The following SLC6A14 variants were observed in gnomAD, a reference collection of about 807,000 sequenced individuals.
The protein encoded by SLC6A14 is solute carrier family 6 member 14.
SLC6A14 carries 21 observed loss-of-function variants against 51.4 expected under a neutral mutation model. That is an observed-to-expected ratio of 0.41 (90% CI 0.29 to 0.59). The LOEUF (loss-of-function observed/expected upper bound fraction) is 0.59, where lower values mean the gene tolerates loss of function less well. Among genes scored for constraint, SLC6A14 ranks in the 20% least tolerant of loss-of-function variants. The pLI, the probability that SLC6A14 is intolerant of heterozygous loss-of-function variation, is 0.31. For missense variants in SLC6A14, 371 were observed against 472.8 expected (o/e 0.78, Z 2.00); for synonymous variants, 177 against 160.7 (o/e 1.10, Z -0.77).
chrX:116,455,450 C>T lies in SLC6A14; in HGVS notation c.1598C>T (p.Thr533Met), dbSNP rs781806347. Residue 533 changes from threonine (T) to methionine (M), a missense_variant, in exon 12 of 14, where the codon ACG becomes ATG. By Grantham distance (81) the Thr-to-Met change is moderately conservative. Transcript: ENST00000598581. The stretch of plus-strand genomic sequence containing the variant: ...TGGAGAGCTTGCTGGTTTGTAATTA[C>T]GCCTATCCTTTTGATTGTAAGTAAT... ...LWWRACWFVITPILLIAIFIW... is the reference protein window; with the variant it reads ...LWWRACWFVIMPILLIAIFIW... The T allele has an allele frequency of 6.8e-6, 8 of 1,177,105 alleles. No individual in the cohort carries two copies. Among genetic ancestry groups the T allele is most frequent in the Admixed American group, 4.4e-5 (2 of 45,851 alleles).
In SLC6A14 at chrX:116,440,838, T is replaced by A. The variant is rs1292848427; in HGVS notation, c.215-128T>A. On this transcript the variant is annotated intron_variant, in intron 2 of 13. Transcript: ENST00000598581. ...ACTTATTCATAGAAAGCAGTGAACTTTAGGCCCAAACCCAGCGCTCTTTGA... is the reference window on the plus strand; with the variant it reads ...ACTTATTCATAGAAAGCAGTGAACTATAGGCCCAAACCCAGCGCTCTTTGA... 3 of 665,060 alleles carry A rather than the reference T, an allele frequency of 4.5e-6. No homozygotes were observed. The African/African-American group carries it at 6.6e-5, about 15-fold the overall frequency. 54.8% of individuals were successfully genotyped at this position (665,060 alleles called of 1,213,427 possible).
intron 7 of SLC6A14, among the ~76,000 whole-genome samples, chrX:116,450,650 A>G (rs1927804973): frequency 8.9e-6 from 1 of 112,043 alleles, no homozygotes; most frequent in African/African-American, 3.2e-5. Context: ...AAAGAAGTGG[A>G]AAAAGGCCAG....
chrX:116,445,197 C>A (rs1927682013), intron 6 of SLC6A14, 147 bp downstream of exon 6: 2 of 522,025 alleles, frequency 3.8e-6, no homozygotes, highest in Non-Finnish European at 5.8e-6. Flanking sequence ...ATTTTAAGCT[C>A]TAAGTAAATA....
chrX:116,459,084 A>G lies in SLC6A14; in HGVS notation c.*129A>G. Reference sequence around the variant, plus strand: ...TGTTCATGATAGTGTGATTTTTTTCACATTTAAGCAGGAATGCAATATAAA... The same window carrying G: ...TGTTCATGATAGTGTGATTTTTTTCGCATTTAAGCAGGAATGCAATATAAA... On this transcript the variant is annotated 3_prime_UTR_variant, in exon 14 of 14. Transcript: ENST00000598581. 1 of 495,074 alleles carries G rather than the reference A, an allele frequency of 2.0e-6. No individual in the cohort carries two copies. 40.8% of individuals were successfully genotyped at this position (495,074 alleles called of 1,213,427 possible). A position where few individuals can be genotyped will look rare whatever the true frequency, so the allele number is the denominator to read the frequency against.
At chrX:116,452,899 T>G in intron 8 of SLC6A14, 118 bp from the exon 9 acceptor site, 2 of 554,735 alleles carry the variant, frequency 3.6e-6, no homozygotes, top group African/African-American at 2.4e-5. Flanking sequence ...GTAAAAAAAT[T>G]TATGTCATGG....
At position 116,455,367 on chromosome X, in the gene SLC6A14, A is replaced by T. The variant is rs376518536; in HGVS notation, c.1515A>T (p.Arg505Ser). 25 of 1,201,393 alleles carry T rather than the reference A, an allele frequency of 2.1e-5. No homozygotes were observed. Among genetic ancestry groups the T allele is most frequent in the Non-Finnish European group, 2.7e-5 (24 of 887,386 alleles). ...VGIIWIYGGN[R>S]FIEDTEMMIG... Reference sequence around the variant, plus strand: ...CTTTGTTTTCTTTAGGAGGGAACAGATTCATTGAGGATACAGAAATGATGA... The same window carrying T: ...CTTTGTTTTCTTTAGGAGGGAACAGTTTCATTGAGGATACAGAAATGATGA... The change falls in exon 12 of 14, where the codon AGA (arginine) becomes AGT (serine). Residue 505 changes from arginine (R) to serine (S), a missense_variant. By Grantham distance (110) the Arg-to-Ser change is moderately radical (BLOSUM62 -1). Coordinates refer to ENST00000598581, the MANE Select transcript of SLC6A14 (RefSeq NM_007231.5).
intron 2 of SLC6A14, among the ~76,000 whole-genome samples, chrX:116,439,091 A>T (rs1419650751): frequency 3.6e-5 from 4 of 111,354 alleles, no homozygotes; most frequent in African/African-American, 1.3e-4. Flanking sequence ...ATTCTGGATC[A>T]TTTTGAGCCT....
chrX:116,442,644 T>C (rs12720079), intron 3 of SLC6A14, 43 bp from the exon 4 acceptor site: 84,095 of 1,020,704 alleles, frequency 0.082, 2,779 homozygotes, highest in South Asian at 0.11. Context: ...AAGTAAATTT[T>C]ACTTGAGTTT....
At chrX:116,441,680 C>T (rs782221630) in intron 3 of SLC6A14, among the ~76,000 whole-genome samples, 13 of 111,755 alleles carry the variant, frequency 1.2e-4, no homozygotes, top group African/African-American at 3.6e-4. Flanking sequence ...AATGCAACAT[C>T]AAAAATAAAT....
In SLC6A14 at chrX:116,454,292, A is replaced by T. The variant is rs373196599; in HGVS notation, c.1286-32A>T. On this transcript the variant is annotated intron_variant, in intron 9 of 13. Coordinates refer to ENST00000598581, the MANE Select transcript of SLC6A14 (RefSeq NM_007231.5). ...ATTAACAGTATTGGCAAATAAGTTG[A>T]CATATAACATGTCATTTCTCCCCCT... 11 of 867,398 alleles carry T rather than the reference A, an allele frequency of 1.3e-5. No homozygotes were observed. In the Middle Eastern group the frequency reaches 1.2e-3, roughly 98 times the overall value. 71.5% of individuals were successfully genotyped at this position (867,398 alleles called of 1,213,427 possible). A position where few individuals can be genotyped will look rare whatever the true frequency, so the allele number is the denominator to read the frequency against.
intron 4 of SLC6A14, 56 bp downstream of exon 4, chrX:116,442,904 A>G: frequency 2.2e-6 from 2 of 900,676 alleles, no homozygotes; most frequent in Non-Finnish European, 3.1e-6. Context: ...ATAAGCTTGA[A>G]GGGTCAAATC....
In SLC6A14 at chrX:116,441,112, G is replaced by A. The variant is rs182377352; in HGVS notation, c.346+15G>A. On this transcript the variant is annotated intron_variant, in intron 3 of 13. Transcript: ENST00000598581. ...ATTGTTTCAAGGTTGGTATTAAAGC[G>A]TTTTCTTGGTATTAAAGCATTTTCT... The A allele has an allele frequency of 1.8e-5, 22 of 1,201,874 alleles. No individual in the cohort carries two copies. Among genetic ancestry groups the A allele is most frequent in the African/African-American group, 5.3e-5 (3 of 56,888 alleles).
At chrX:116,456,124 C>A (rs1269270335) in intron 12 of SLC6A14, among the ~76,000 whole-genome samples, 5 of 110,886 alleles carry the variant, frequency 4.5e-5, no homozygotes, top group Admixed American at 9.6e-5. Flanking sequence ...CAGTAAATGG[C>A]TGAGCACCAA....
chrX:116,441,821 A>ATATTTAAATTCAGATTGTTACTGAAT, intron 3 of SLC6A14, among the ~76,000 whole-genome samples: 1 of 111,820 alleles, frequency 8.9e-6, no homozygotes, highest in South Asian at 3.7e-4. Context: ...GAAACTTTGG[A>ATATTTAAATTCAGATTGTTACTGAAT]TATTTAAATT....
Position 116,441,009 on chromosome X carries a change from T to C in SLC6A14, c.258T>C (p.Gly86=). Residue 86 remains glycine (G), a synonymous_variant, in exon 3 of 14, where the codon GGT becomes GGC. Coordinates refer to ENST00000598581, the MANE Select transcript of SLC6A14 (RefSeq NM_007231.5). ...ATGCAATTATGTTAGCATTGGCTGG[T>C]TTACCTTTGTTCTTTCTGGAGTGTT... ...IPYAIMLALA[G]LPLFFLECSL... 8.3e-7 allele frequency: 1 copy of C among 1,209,468 alleles called. No individual in the cohort carries two copies. The highest frequency in any genetic ancestry group is 1.8e-5 in the South Asian group (1 of 56,920).
At chrX:116,453,163 T>A in intron 9 of SLC6A14, 21 bp downstream of exon 9, 1 of 1,172,542 alleles carries the variant, frequency 8.5e-7, no homozygotes, top group Non-Finnish European at 1.1e-6. Context: ...CTTCCAGTGG[T>A]AACATATTCC....
chrX:116,454,928 A>G (rs1556694659), intron 10 of SLC6A14, 49 bp from the exon 11 acceptor site: 1 of 914,875 alleles, frequency 1.1e-6, no homozygotes, highest in Non-Finnish European at 1.6e-6. Flanking sequence ...CCCATCAATC[A>G]TAAAAACAAT....
rs1556693806 is a variant in SLC6A14, at chrX:116,443,719, CA to C, written c.587del (p.Asn196ThrfsTer34). ...IQMNKSWVDI[N>X]NFTCINGSEI... is the part of the protein sequence containing the mutation. The stretch of plus-strand genomic sequence containing the variant: ...AAATGAATAAAAGCTGGGTAGACAT[CA>C]ACAATTTTACCTGCATCAACGGCAG... On this transcript the variant is annotated frameshift_variant, in exon 5 of 14. Transcript: ENST00000598581. LOFTEE classifies it high-confidence loss of function. 1 of 1,204,372 alleles carries C rather than the reference CA, an allele frequency of 8.3e-7. No homozygotes were observed. The highest frequency in any genetic ancestry group is 2.2e-5 in the Admixed American group (1 of 45,542).
intron 7 of SLC6A14, 29 bp from the exon 8 acceptor site, chrX:116,451,413 T>G: frequency 9.7e-7 from 1 of 1,036,254 alleles, no homozygotes; most frequent in South Asian, 2.1e-5. Flanking sequence ...AGTATATGTT[T>G]TAAAATATTA....
Sources: allele counts gnomAD v4.1 joint callset (sites outside exome capture counted in the v4.1 genomes callset), GRCh38; gene constraint gnomAD v4.1.1; transcripts MANE v1.5; gene names NCBI Gene and HGNC (gene_info 2026-07-23, HGNC 2026-07-21).